Variants in GUCY1A2 observed in about 807,000 individuals in gnomAD.
GUCY1A2 encodes the protein guanylate cyclase 1 soluble subunit alpha 2.
A neutral mutation model predicts 63.5 loss-of-function variants in GUCY1A2; 27 were observed. That is an observed-to-expected ratio of 0.43 (90% CI 0.31 to 0.59). The LOEUF (loss-of-function observed/expected upper bound fraction) is 0.59, where lower values mean the gene tolerates loss of function less well. GUCY1A2 is among the 20% of genes least tolerant of loss of function. The pLI is 0.11. For synonymous variants in GUCY1A2, 364 were observed against 343.5 expected (o/e 1.06, Z -0.66); for missense variants, 768 against 913.3 (o/e 0.84, Z 2.05).
At chr11:106,736,072 T>C (rs1019099384) in intron 6 of GUCY1A2, among the ~76,000 whole-genome samples, 4 of 152,142 alleles carry the variant, frequency 2.6e-5, no homozygotes, top group African/African-American at 9.7e-5. Flanking sequence ...TTTTCTCCCA[T>C]TCTGTGGGTT....
At position 106,983,421 on chromosome 11, in the gene GUCY1A2, A is replaced by G. The variant is rs569885442; in HGVS notation, c.365+2649T>C. Among the ~76,000 whole-genome samples, 16 of 152,334 alleles carry G rather than the reference A, an allele frequency of 1.1e-4. No homozygotes were observed. The South Asian group carries it at 3.3e-3, about 32-fold the overall frequency. ...GAAGCCCCATCAGCTACTCCCTCCC[A>G]GTCCTTCTGTCTGTGACCCTTCGAA... On this transcript the variant is annotated intron_variant, in intron 2 of 7. Coordinates refer to ENST00000526355, the MANE Select transcript of GUCY1A2 (RefSeq NM_000855.3).
At chr11:106,745,830 T>C (rs927553762) in intron 6 of GUCY1A2, among the ~76,000 whole-genome samples, 2 of 152,220 alleles carry the variant, frequency 1.3e-5, no homozygotes, top group African/African-American at 4.8e-5. Context: ...ACTATAGTTC[T>C]GTGCTAATGA....
At chr11:106,813,322 G>A (rs1858789356) in intron 4 of GUCY1A2, among the ~76,000 whole-genome samples, 1 of 151,790 alleles carries the variant, frequency 6.6e-6, no homozygotes, top group Non-Finnish European at 1.5e-5. Flanking sequence ...CACAAACCTT[G>A]GTTGTCAGGT....
intron 3 of GUCY1A2, among the ~76,000 whole-genome samples, chr11:106,963,982 C>A (rs1346078220): frequency 2.6e-5 from 4 of 151,960 alleles, no homozygotes; most frequent in Non-Finnish European, 4.4e-5. Flanking sequence ...CATTTGTGAA[C>A]AATTTGTGCC....
intron 4 of GUCY1A2, among the ~76,000 whole-genome samples, chr11:106,825,749 T>C (rs1858960770): frequency 2.0e-5 from 3 of 152,040 alleles, no homozygotes; most frequent in South Asian, 2.1e-4. Context: ...ACACTGACGA[T>C]AGCTGATAAG....
intron 6 of GUCY1A2, among the ~76,000 whole-genome samples, chr11:106,730,298 G>A (rs1298203321): frequency 1.3e-5 from 2 of 151,272 alleles, no homozygotes; most frequent in African/African-American, 4.9e-5. Context: ...GTAGGCCCTG[G>A]TGTCTGTTGT....
At chr11:106,896,018 A>T (rs886452302) in intron 4 of GUCY1A2, among the ~76,000 whole-genome samples, 1 of 148,752 alleles carries the variant, frequency 6.7e-6, no homozygotes, top group African/African-American at 2.5e-5. Context: ...CAAAAAAAAA[A>T]AAAATATATA....
intron 4 of GUCY1A2, among the ~76,000 whole-genome samples, chr11:106,836,112 A>G (rs10890605): frequency 0.48 from 72,449 of 151,618 alleles, 18,465 homozygotes; most frequent in Middle Eastern, 0.59. Context: ...AGAGTAAATT[A>G]TTAAGAATGA....
chr11:106,945,195 T>C (rs980532787), intron 3 of GUCY1A2, among the ~76,000 whole-genome samples: 1 of 146,762 alleles, frequency 6.8e-6, no homozygotes, highest in Non-Finnish European at 1.5e-5. Context: ...ATCTTTTAAG[T>C]TGCAAGAGAA....
chr11:106,867,620 G>A (rs531266519), intron 4 of GUCY1A2, among the ~76,000 whole-genome samples: 1 of 152,094 alleles, frequency 6.6e-6, no homozygotes, highest in Admixed American at 6.6e-5. Context: ...TTAAATCCAA[G>A]TTCAACGACA....
chr11:106,927,795 A>C (rs975215892), intron 4 of GUCY1A2, among the ~76,000 whole-genome samples: 1 of 150,714 alleles, frequency 6.6e-6, no homozygotes, highest in African/African-American at 2.4e-5. Context: ...GATGGTCTTG[A>C]TCTCCTGACC....
chr11:106,748,052 T>C lies in GUCY1A2; in HGVS notation c.1836+28387A>G, dbSNP rs569522562. On this transcript the variant is annotated intron_variant, in intron 6 of 7. Transcript: ENST00000526355. ...TGGGATTTCCCATATTCTTAAGCTC[T>C]CATTTCCTCCAAAGAAAATGCAATA... 2.6e-5 allele frequency among the ~76,000 whole-genome samples: 4 copies of C among 152,286 alleles called. 1 individual carries two copies. In the South Asian group the frequency reaches 8.3e-4, roughly 32 times the overall value.
chr11:106,711,407 A>G (rs1457841112), intron 6 of GUCY1A2, among the ~76,000 whole-genome samples: 1 of 152,206 alleles, frequency 6.6e-6, no homozygotes, highest in East Asian at 1.9e-4. Flanking sequence ...AATTGGTAGT[A>G]TCAGTAAAAC....
chr11:106,813,875 T>G (rs1858797166), intron 4 of GUCY1A2, among the ~76,000 whole-genome samples: 1 of 152,120 alleles, frequency 6.6e-6, no homozygotes. Context: ...TAATTAATAC[T>G]TAATTTATAC....
At chr11:106,705,730 C>A (rs540080262) in intron 7 of GUCY1A2, among the ~76,000 whole-genome samples, 1 of 151,888 alleles carries the variant, frequency 6.6e-6, no homozygotes, top group Non-Finnish European at 1.5e-5. Flanking sequence ...TGTGGTGGCA[C>A]GCACCTGTAG....
intron 6 of GUCY1A2, among the ~76,000 whole-genome samples, 198 bp downstream of exon 6, chr11:106,776,241 A>G (rs1864355324): frequency 6.6e-6 from 1 of 152,036 alleles, no homozygotes; most frequent in Non-Finnish European, 1.5e-5. Context: ...GCCTTCCACA[A>G]ACCATTTCCT....
chr11:106,722,973 G>A (rs1040850897), intron 6 of GUCY1A2, among the ~76,000 whole-genome samples: 1 of 152,096 alleles, frequency 6.6e-6, no homozygotes, highest in African/African-American at 2.4e-5. Flanking sequence ...AATAGCAAAT[G>A]AATTTATCAC....
At chr11:106,792,328 G>A (rs1424195445) in intron 5 of GUCY1A2, among the ~76,000 whole-genome samples, 1 of 144,084 alleles carries the variant, frequency 6.9e-6, no homozygotes, top group Non-Finnish European at 1.5e-5. Context: ...AGAGGTTGGA[G>A]TGAGCTGAGA....
chr11:106,785,278 T>C (rs1864536918), intron 5 of GUCY1A2, among the ~76,000 whole-genome samples: 1 of 152,128 alleles, frequency 6.6e-6, no homozygotes, highest in Admixed American at 6.5e-5. Flanking sequence ...TCACTGAGTA[T>C]ACGACTTTTT....
Sources: allele counts gnomAD v4.1 joint callset (sites outside exome capture counted in the v4.1 genomes callset), GRCh38; gene constraint gnomAD v4.1.1; transcripts MANE v1.5; gene names NCBI Gene and HGNC (gene_info 2026-07-23, HGNC 2026-07-21).